Variants in CCDC146 observed in about 807,000 individuals in gnomAD.
The protein encoded by CCDC146 is coiled-coil domain-containing protein 146.
CCDC146 carries 92 observed loss-of-function variants against 119.3 expected under a neutral mutation model. The ratio of observed to expected loss-of-function variants is 0.77; its 90% confidence interval spans 0.65 to 0.92. CCDC146 has a LOEUF of 0.92. Ranked by LOEUF, CCDC146 falls within the 40% of genes least tolerant of loss-of-function variation. The probability of loss-of-function intolerance (pLI) is 0.00; values close to 1 mark genes in which losing one functional copy is unlikely to be tolerated. For missense variants in CCDC146, 1,000 were observed against 1,103.0 expected, an observed-to-expected ratio of 0.91 and a Z score of 1.32; for synonymous variants, 372 against 371.8, an observed-to-expected ratio of 1.00 and a Z score of -0.01.
chr7:77,159,324 T>C (rs1299759890), intron 1 of CCDC146, among the ~76,000 whole-genome samples: 3 of 152,146 alleles, frequency 2.0e-5, no homozygotes, highest in African/African-American at 4.8e-5. Context: ...CTACCCCAAG[T>C]CCCTGGCAAC....
intron 2 of CCDC146, among the ~76,000 whole-genome samples, chr7:77,232,471 C>T (rs1238288116): frequency 6.6e-6 from 1 of 152,186 alleles, no homozygotes; most frequent in Admixed American, 6.5e-5. Context: ...AAACTATTAG[C>T]CTACTCTGTT....
chr7:77,185,492 A>G (rs1791653433), intron 2 of CCDC146, among the ~76,000 whole-genome samples: 1 of 152,184 alleles, frequency 6.6e-6, no homozygotes, highest in African/African-American at 2.4e-5. Flanking sequence ...CAAGACTATC[A>G]AGGTAGTATC....
At chr7:77,160,713 A>C (rs897119826) in intron 1 of CCDC146, among the ~76,000 whole-genome samples, 6 of 152,216 alleles carry the variant, frequency 3.9e-5, no homozygotes, top group African/African-American at 1.4e-4. Flanking sequence ...TGTCATCTGC[A>C]AACAGGGACA....
chr7:77,217,623 C>G (rs1452649070), intron 2 of CCDC146, among the ~76,000 whole-genome samples: 1 of 151,652 alleles, frequency 6.6e-6, no homozygotes, highest in Non-Finnish European at 1.5e-5. Flanking sequence ...TCATGTGTCA[C>G]TTAAGAAGGA....
intron 1 of CCDC146, among the ~76,000 whole-genome samples, chr7:77,165,204 A>C (rs1383239288): frequency 6.6e-6 from 1 of 151,788 alleles, no homozygotes; most frequent in Non-Finnish European, 1.5e-5. Context: ...TACATGACCA[A>C]ATCGATGGCT....
intron 2 of CCDC146, among the ~76,000 whole-genome samples, chr7:77,227,006 T>C (rs1472394052): frequency 1.3e-5 from 2 of 152,056 alleles, no homozygotes; most frequent in Admixed American, 1.3e-4. Context: ...CTCCACAGTT[T>C]AGTTTTTTTA....
At chr7:77,197,027 G>T in intron 2 of CCDC146, 1 of 1,197,258 alleles carries the variant, frequency 8.4e-7, no homozygotes, top group Non-Finnish European at 1.2e-6. Flanking sequence ...CTTGTTAATA[G>T]AAACCATGCA....
intron 4 of CCDC146, among the ~76,000 whole-genome samples, chr7:77,253,489 C>G (rs1232034080): frequency 2.0e-5 from 3 of 152,310 alleles, no homozygotes; most frequent in Middle Eastern, 3.4e-3. Context: ...CGATCTATTT[C>G]CATATGCATG....
At chr7:77,217,329 TACAC>T (rs34434670) in intron 2 of CCDC146, among the ~76,000 whole-genome samples, 16 of 149,448 alleles carry the variant, frequency 1.1e-4, no homozygotes, top group South Asian at 2.1e-4. Flanking sequence ...TGACATTTTC[TACAC>T]ACACACACAC....
intron 2 of CCDC146, among the ~76,000 whole-genome samples, chr7:77,236,058 G>A (rs962450549): frequency 2.1e-4 from 11 of 51,852 alleles, no homozygotes; most frequent in African/African-American, 4.2e-4. Context: ...ACGACAGAGT[G>A]AGACTCCGTC....
chr7:77,199,133 C>G (rs1481180201), intron 2 of CCDC146: 1 of 1,496,584 alleles, frequency 6.7e-7, no homozygotes, highest in African/African-American at 1.4e-5. Context: ...TACTCTCTAG[C>G]TGTATAACAT....
intron 9 of CCDC146, among the ~76,000 whole-genome samples, chr7:77,264,619 A>G (rs1357029870): frequency 1.3e-5 from 2 of 152,212 alleles, no homozygotes; most frequent in African/African-American, 4.8e-5. Context: ...CACAGCACAT[A>G]CTTTTCAAAA....
intron 17 of CCDC146, 127 bp downstream of exon 17, chr7:77,287,704 A>G: frequency 3.1e-6 from 3 of 967,198 alleles, no homozygotes; most frequent in Non-Finnish European, 4.4e-6. Context: ...GGGAACTTAG[A>G]AAAACGAAAG....
At chr7:77,274,027 G>A (rs919998048) in intron 10 of CCDC146, among the ~76,000 whole-genome samples, 2 of 152,108 alleles carry the variant, frequency 1.3e-5, no homozygotes, top group Admixed American at 1.3e-4. Flanking sequence ...TAAATTATGG[G>A]CTGTTGATTA....
chr7:77,124,382 A>T (rs2117379251), intron 1 of CCDC146, among the ~76,000 whole-genome samples: 1 of 152,356 alleles, frequency 6.6e-6, no homozygotes, highest in Non-Finnish European at 1.5e-5. Flanking sequence ...AATGATTAAT[A>T]AAAGTTGTAT....
At chr7:77,287,793 T>TTTAA (rs1793875808) in intron 17 of CCDC146, among the ~76,000 whole-genome samples, 1 of 152,362 alleles carries the variant, frequency 6.6e-6, no homozygotes, top group Admixed American at 6.5e-5. Flanking sequence ...AACCTAGGCT[T>TTTAA]TTAAATGACA....
intron 17 of CCDC146, among the ~76,000 whole-genome samples, chr7:77,291,377 G>A (rs926179248): frequency 6.6e-6 from 1 of 151,008 alleles, no homozygotes; most frequent in African/African-American, 2.4e-5. Context: ...TCTTTTAACT[G>A]TGTTAATGCT....
chr7:77,286,650 A>C, intron 15 of CCDC146, 148 bp from the exon 16 acceptor site: 1 of 699,810 alleles, frequency 1.4e-6, no homozygotes, highest in Non-Finnish European at 2.5e-6. Flanking sequence ...ACCAGGTCCC[A>C]GCTGATGGGG....
At chr7:77,205,918 A>C (rs1792072470) in intron 2 of CCDC146, among the ~76,000 whole-genome samples, 1 of 152,230 alleles carries the variant, frequency 6.6e-6, no homozygotes, top group Non-Finnish European at 1.5e-5. Flanking sequence ...CACCAAGAAA[A>C]AGCACAAGAA....
Sources: gnomAD v4.1 joint callset for allele counts (sites outside exome capture counted in the v4.1 genomes callset) on GRCh38, gnomAD v4.1.1 for gene constraint, MANE v1.5 for transcripts, NCBI Gene and HGNC (gene_info 2026-07-23, HGNC 2026-07-21) for gene names.